Variants in TBXAS1 observed in about 807,000 individuals in gnomAD.
The protein encoded by TBXAS1 is thromboxane A synthase 1, also known as thromboxane-A synthase.
In TBXAS1, 48 loss-of-function variants were observed where a neutral mutation model predicts 60.7. The observed-to-expected ratio is 0.79, with a 90% CI of 0.63 to 1.01. The LOEUF is 1.01. TBXAS1 is among the 50% of genes least tolerant of loss of function. The probability of loss-of-function intolerance (pLI) is 0.00; values close to 1 mark genes in which losing one functional copy is unlikely to be tolerated. For synonymous variants in TBXAS1, 287 were observed against 269.7 expected, an observed-to-expected ratio of 1.06 and a Z score of -0.63; for missense variants, 685 against 686.3, an observed-to-expected ratio of 1.00 and a Z score of 0.02.
chr7:139,865,720 G>T (rs1801335214), intron 1 of TBXAS1, among the ~76,000 whole-genome samples: 3 of 145,140 alleles, frequency 2.1e-5, no homozygotes, highest in Non-Finnish European at 4.6e-5. Context: ...GGAAGAGGAG[G>T]AGGAGGAGGA....
At chr7:139,965,795 T>C (rs938491448) in intron 9 of TBXAS1, among the ~76,000 whole-genome samples, 23 of 152,344 alleles carry the variant, frequency 1.5e-4, no homozygotes, top group African/African-American at 4.1e-4. Flanking sequence ...CACAATAATG[T>C]TGCTTTGCAT....
At chr7:139,880,996 G>A (rs980683354) in intron 3 of TBXAS1, among the ~76,000 whole-genome samples, 3 of 152,026 alleles carry the variant, frequency 2.0e-5, no homozygotes, top group Admixed American at 6.6e-5. Context: ...CCATTTGATG[G>A]TATATTGCTG....
intron 2 of TBXAS1, chr7:139,780,890 G>T (rs1361165378): frequency 1.3e-5 from 2 of 154,468 alleles, no homozygotes; most frequent in African/African-American, 4.8e-5. Context: ...TTATAGGACT[G>T]CCCCTGAATT....
intron 9 of TBXAS1, among the ~76,000 whole-genome samples, chr7:139,968,120 C>T (rs1810924654): frequency 1.3e-5 from 2 of 152,132 alleles, no homozygotes; most frequent in South Asian, 4.1e-4. Flanking sequence ...ACCCCTGGCG[C>T]ATATAAAGAT....
At chr7:139,958,768 C>G (rs1810081693) in intron 8 of TBXAS1, among the ~76,000 whole-genome samples, 1 of 152,214 alleles carries the variant, frequency 6.6e-6, no homozygotes. Context: ...AAGGTGTAGG[C>G]AAGCTTGCAG....
intron 9 of TBXAS1, among the ~76,000 whole-genome samples, chr7:139,969,523 C>A (rs534451948): frequency 6.7e-6 from 1 of 150,102 alleles, no homozygotes; most frequent in Non-Finnish European, 1.5e-5. Flanking sequence ...AATACACATC[C>A]TTTGTCACAG....
Position 139,975,070 on chromosome 7 carries a change from T to C in TBXAS1, c.1134+12837T>C, listed in dbSNP as rs1811470117. Among the ~76,000 whole-genome samples the C allele has an allele frequency of 6.6e-6, 1 of 152,226 alleles. No individual in the cohort carries two copies. The highest frequency in any genetic ancestry group is 1.5e-5 in the Non-Finnish European group (1 of 68,038). Reference sequence around the variant, plus strand: ...GTTTGGACAACCAGGCAGGAGTCAATGCAACAGTCTAGACACAGAATTCTT... The same window carrying C: ...GTTTGGACAACCAGGCAGGAGTCAACGCAACAGTCTAGACACAGAATTCTT... On this transcript the variant is annotated intron_variant, in intron 9 of 12. Transcript: ENST00000448866. The surrounding 1 kb of genome is among the most constrained non-coding windows in gnomAD (Gnocchi z 4.4).
rs1161752364 is a variant in TBXAS1, at chr7:139,896,760, G to T, written c.237-14465G>T. Among the ~76,000 whole-genome samples, 1 of 152,178 alleles carries T rather than the reference G, an allele frequency of 6.6e-6. No homozygotes were observed. The highest frequency in any genetic ancestry group is 6.5e-5 in the Admixed American group (1 of 15,278). ...ACTAAGGGCACCGTGAACTGAGAACGTTTGGAAACACAGGTATAAGAGGAA... is the reference window on the plus strand; with the variant it reads ...ACTAAGGGCACCGTGAACTGAGAACTTTTGGAAACACAGGTATAAGAGGAA... On this transcript the variant is annotated intron_variant, in intron 3 of 12. Transcript: ENST00000448866. The surrounding 1 kb of genome is among the most constrained non-coding windows in gnomAD (Gnocchi z 4.0).
At chr7:139,872,981 A>G (rs377081823) in intron 2 of TBXAS1, among the ~76,000 whole-genome samples, 5 of 152,224 alleles carry the variant, frequency 3.3e-5, no homozygotes, top group Non-Finnish European at 5.9e-5. Context: ...AAATGATGGC[A>G]TGCAACACCA....
At chr7:140,010,996 G>A (rs990028661) in intron 10 of TBXAS1, among the ~76,000 whole-genome samples, 18 of 150,430 alleles carry the variant, frequency 1.2e-4, no homozygotes, top group African/African-American at 2.4e-4. Flanking sequence ...AAACAGTCCC[G>A]GCCGGGTGTA....
chr7:140,000,388 G>A (rs1417188357), intron 9 of TBXAS1, among the ~76,000 whole-genome samples: 1 of 152,108 alleles, frequency 6.6e-6, no homozygotes, highest in African/African-American at 2.4e-5. Context: ...TGCACCTGTA[G>A]TCCCAGTTAC....
chr7:139,882,419 C>T (rs1042340145), intron 3 of TBXAS1, among the ~76,000 whole-genome samples: 1 of 152,162 alleles, frequency 6.6e-6, no homozygotes, highest in African/African-American at 2.4e-5. Context: ...TTAAACTGGA[C>T]TGAGCTCAGT....
At chr7:139,787,678 G>A (rs530076706) in intron 4 of TBXAS1, among the ~76,000 whole-genome samples, 4 of 152,112 alleles carry the variant, frequency 2.6e-5, no homozygotes, top group African/African-American at 7.2e-5. Context: ...GGCATTAGGC[G>A]TGAAACCTAA....
At chr7:139,824,529 T>TTA (rs1262601993), upstream of TBXAS1, among the ~76,000 whole-genome samples, 1 of 152,206 alleles carries the variant, frequency 6.6e-6, no homozygotes, top group African/African-American at 2.4e-5. Flanking sequence ...GCTAAACAAA[T>TTA]TACAACACGT....
upstream of TBXAS1, among the ~76,000 whole-genome samples, chr7:139,827,487 A>G (rs1223303470): frequency 6.6e-6 from 1 of 152,142 alleles, no homozygotes; most frequent in Non-Finnish European, 1.5e-5. Flanking sequence ...GTGAGGTACC[A>G]TTGCATTCAT....
At chr7:139,984,141 G>T (rs1812163811) in intron 9 of TBXAS1, among the ~76,000 whole-genome samples, 1 of 152,246 alleles carries the variant, frequency 6.6e-6, no homozygotes, top group Non-Finnish European at 1.5e-5. Context: ...TGGCCCTGGG[G>T]CATGACACAG....
At chr7:139,815,496 C>T (rs1246498178) in intron 4 of TBXAS1, among the ~76,000 whole-genome samples, 2 of 152,200 alleles carry the variant, frequency 1.3e-5, no homozygotes, top group African/African-American at 2.4e-5. Flanking sequence ...TGGTAAACAC[C>T]ACCCAACTGT....
intron 1 of TBXAS1, among the ~76,000 whole-genome samples, chr7:139,838,447 C>T (rs1799211720): frequency 6.6e-6 from 1 of 152,186 alleles, no homozygotes; most frequent in Non-Finnish European, 1.5e-5. Context: ...CAGTTCCATA[C>T]AGATCTAAAT....
At chr7:139,848,024 T>A (rs553148523) in intron 1 of TBXAS1, among the ~76,000 whole-genome samples, 2 of 152,130 alleles carry the variant, frequency 1.3e-5, no homozygotes, top group African/African-American at 2.4e-5. Context: ...TCTTGCTATA[T>A]TTCCCAGGCT....
Sources: gnomAD v4.1 joint callset for allele counts (sites outside exome capture counted in the v4.1 genomes callset) on GRCh38, gnomAD v4.1.1 for gene constraint, Gnocchi (gnomAD v3.1) non-coding constraint, MANE v1.5 for transcripts, NCBI Gene and HGNC (gene_info 2026-07-23, HGNC 2026-07-21) for gene names.